The following RBFOX1 variants were observed in gnomAD, a reference collection of about 807,000 sequenced individuals.
The protein encoded by RBFOX1 is RNA binding protein fox-1 homolog 1.
In RBFOX1, 8 loss-of-function variants were observed where a neutral mutation model predicts 57.7. The ratio of observed to expected loss-of-function variants is 0.14; its 90% CI spans 0.08 to 0.25. RBFOX1 has a LOEUF of 0.25. Among genes scored for constraint, RBFOX1 ranks in the 10% least tolerant of loss-of-function variants. The pLI, the probability that RBFOX1 is intolerant of heterozygous loss-of-function variation, is 1.00. For synonymous variants in RBFOX1, 326 were observed against 222.4 expected (o/e 1.47, Z -4.15); for missense variants, 611 against 548.5 (o/e 1.11, Z -1.14).
At chr16:5,475,803 T>C (rs1377409353) in intron 2 of RBFOX1, among the ~76,000 whole-genome samples, 1 of 152,102 alleles carries the variant, frequency 6.6e-6, no homozygotes, top group Non-Finnish European at 1.5e-5. Context: ...AGTTTTTTAT[T>C]TTTATTTTTA....
intron 4 of RBFOX1, among the ~76,000 whole-genome samples, chr16:7,116,031 A>G (rs771896958): frequency 5.9e-5 from 9 of 152,204 alleles, no homozygotes; most frequent in South Asian, 2.1e-4. Flanking sequence ...CTAAGTGGCC[A>G]TGTGCCCTTT....
At chr16:6,963,640 G>C (rs2153554152) in intron 3 of RBFOX1, among the ~76,000 whole-genome samples, 1 of 152,300 alleles carries the variant, frequency 6.6e-6, no homozygotes, top group African/African-American at 2.4e-5. Context: ...AGGGGTGCCA[G>C]AGATTATGTG....
intron 4 of RBFOX1, among the ~76,000 whole-genome samples, chr16:7,054,705 T>C (rs892925510): frequency 2.6e-5 from 4 of 152,140 alleles, no homozygotes; most frequent in Admixed American, 2.0e-4. Context: ...CGTTGAAGGG[T>C]AACTGTCTGC....
chr16:7,203,870 C>G (rs552093232), intron 4 of RBFOX1, among the ~76,000 whole-genome samples: 1 of 152,208 alleles, frequency 6.6e-6, no homozygotes, highest in Non-Finnish European at 1.5e-5. Context: ...TCCAGAGAGC[C>G]AGTCCTCAGA....
intron 4 of RBFOX1, among the ~76,000 whole-genome samples, chr16:7,158,572 T>C (rs901046864): frequency 2.1e-4 from 32 of 151,814 alleles, no homozygotes; most frequent in Non-Finnish European, 1.0e-4. Flanking sequence ...TGGTGTGTGT[T>C]TGTGTGGTGT....
chr16:5,253,014 G>T (rs577494965), intron 1 of RBFOX1, among the ~76,000 whole-genome samples: 1 of 152,218 alleles, frequency 6.6e-6, no homozygotes, highest in African/African-American at 2.4e-5. Flanking sequence ...ATTCATCAGC[G>T]TGAGGGGTTC....
intron 4 of RBFOX1, among the ~76,000 whole-genome samples, chr16:5,916,744 ATC>A (rs1278308710): frequency 6.6e-6 from 1 of 152,116 alleles, no homozygotes; most frequent in Non-Finnish European, 1.5e-5. Context: ...TAAGCTGCTT[ATC>A]TCTGACTCCA....
At chr16:6,632,455 G>A (rs910276645) in intron 2 of RBFOX1, among the ~76,000 whole-genome samples, 1 of 152,214 alleles carries the variant, frequency 6.6e-6, no homozygotes, top group Non-Finnish European at 1.5e-5. Flanking sequence ...GTGGTTATGA[G>A]GATAGTGTTA....
chr16:7,217,407 G>C (rs1233274135), intron 4 of RBFOX1, among the ~76,000 whole-genome samples: 4 of 148,628 alleles, frequency 2.7e-5, no homozygotes, highest in Admixed American at 2.1e-4. Context: ...GGGATTACAG[G>C]CATGAACCAC....
intron 11 of RBFOX1, among the ~76,000 whole-genome samples, chr16:7,646,728 A>G (rs1396661322): frequency 6.6e-6 from 1 of 152,108 alleles, no homozygotes; most frequent in African/African-American, 2.4e-5. Context: ...CTACTCTTCC[A>G]TCTCCCCCAG....
At chr16:5,416,991 G>A (rs1481606263) in intron 1 of RBFOX1, among the ~76,000 whole-genome samples, 3 of 152,100 alleles carry the variant, frequency 2.0e-5, no homozygotes, top group South Asian at 2.1e-4. Flanking sequence ...AACCCAGCCC[G>A]CTGAAAATGA....
chr16:5,333,052 G>C (rs2064800111), intron 1 of RBFOX1, among the ~76,000 whole-genome samples: 1 of 152,110 alleles, frequency 6.6e-6, no homozygotes, highest in Non-Finnish European at 1.5e-5. Context: ...GCCGGGTGTG[G>C]TGGTGGGCAC....
intron 4 of RBFOX1, among the ~76,000 whole-genome samples, chr16:7,160,722 A>C (rs988594809): frequency 6.6e-5 from 10 of 151,692 alleles, no homozygotes; most frequent in African/African-American, 2.4e-4. Context: ...CTACATTTTC[A>C]GGCAGTTTCT....
intron 4 of RBFOX1, among the ~76,000 whole-genome samples, chr16:7,062,449 C>T (rs2054663608): frequency 6.6e-6 from 1 of 151,854 alleles, no homozygotes; most frequent in African/African-American, 2.4e-5. Context: ...ATCATGGGTA[C>T]AGCAAGCATG....
intron 3 of RBFOX1, among the ~76,000 whole-genome samples, chr16:5,861,924 G>A (rs951779205): frequency 3.2e-4 from 49 of 152,158 alleles, no homozygotes; most frequent in Non-Finnish European, 3.1e-4. Context: ...TGCCTGTGGG[G>A]GGAATGGAGG....
chr16:7,654,106 C>T (rs746224934), intron 12 of RBFOX1, among the ~76,000 whole-genome samples, 159 bp downstream of exon 12: 1 of 152,138 alleles, frequency 6.6e-6, no homozygotes, highest in Non-Finnish European at 1.5e-5. Context: ...AGTGGAGCAC[C>T]TTGCTAAGAG....
At chr16:7,315,743 T>C (rs1359465401) in intron 4 of RBFOX1, among the ~76,000 whole-genome samples, 1 of 152,058 alleles carries the variant, frequency 6.6e-6, no homozygotes, top group Non-Finnish European at 1.5e-5. Flanking sequence ...GTCCAGCAAA[T>C]GCACTTTACA....
chr16:7,582,086 G>A (rs796609820), intron 6 of RBFOX1, among the ~76,000 whole-genome samples: 66 of 150,110 alleles, frequency 4.4e-4, no homozygotes, highest in African/African-American at 1.6e-3. Flanking sequence ...CTGCAGTGAA[G>A]TGGCATGATC....
chr16:6,040,399 C>CT (rs888930062), intron 1 of RBFOX1, among the ~76,000 whole-genome samples: 1 of 152,136 alleles, frequency 6.6e-6, no homozygotes, highest in African/African-American at 2.4e-5. Flanking sequence ...CAACATTCTA[C>CT]TTTCTGTGTT....
Sources: gnomAD v4.1 joint callset for allele counts (sites outside exome capture counted in the v4.1 genomes callset) on GRCh38, gnomAD v4.1.1 for gene constraint, MANE v1.5 for transcripts, NCBI Gene and HGNC (gene_info 2026-07-23, HGNC 2026-07-21) for gene names.